SEMA6D: variants seen among roughly 807,000 people sequenced by gnomAD.
The protein encoded by SEMA6D is semaphorin 6D.
A neutral mutation model predicts 106.6 loss-of-function variants in SEMA6D; 35 were observed. That is an observed-to-expected ratio of 0.33 (90% confidence interval 0.25 to 0.44). SEMA6D has a LOEUF of 0.44. SEMA6D is among the 20% of genes least tolerant of loss of function. The pLI is 1.00. For missense variants in SEMA6D, 1,185 were observed against 1,345.9 expected (o/e 0.88, Z 1.87); for synonymous variants, 499 against 487.7 (o/e 1.02, Z -0.31).
chr15:47,221,743 G>A (rs1242245098), intron 1 of SEMA6D, among the ~76,000 whole-genome samples: 2 of 152,130 alleles, frequency 1.3e-5, no homozygotes, highest in African/African-American at 2.4e-5. Context: ...TTGAAATACT[G>A]TTTAATCGTT....
At chr15:47,763,146 A>G (rs376460824) in intron 9 of SEMA6D, 42 bp downstream of exon 9, 11 of 1,467,954 alleles carry the variant, frequency 7.5e-6, no homozygotes, top group African/African-American at 1.4e-5. Flanking sequence ...CTTGTACTGC[A>G]TGAAATTGAG....
At chr15:47,695,231 G>C (rs1042495165) in intron 4 of SEMA6D, among the ~76,000 whole-genome samples, 1 of 152,086 alleles carries the variant, frequency 6.6e-6, no homozygotes, top group African/African-American at 2.4e-5. Flanking sequence ...GTTTTTCAAA[G>C]GCAGAAAAGA....
intron 4 of SEMA6D, among the ~76,000 whole-genome samples, chr15:47,704,807 C>T (rs1385955264): frequency 6.6e-6 from 1 of 152,076 alleles, no homozygotes; most frequent in Middle Eastern, 3.2e-3. Flanking sequence ...ATCCATGGCT[C>T]TTATTTTCTT....
At chr15:47,653,150 G>C (rs1023951716) in intron 4 of SEMA6D, among the ~76,000 whole-genome samples, 14 of 152,160 alleles carry the variant, frequency 9.2e-5, no homozygotes, top group African/African-American at 2.9e-4. Context: ...GTATAATTGA[G>C]AGAAGATCAG....
At chr15:47,584,440 A>AAT (rs1282287250) in intron 3 of SEMA6D, among the ~76,000 whole-genome samples, 2 of 151,828 alleles carry the variant, frequency 1.3e-5, no homozygotes, top group Non-Finnish European at 2.9e-5. Flanking sequence ...AAAAAAAAAA[A>AAT]GGAGAGTGAA....
In SEMA6D at chr15:47,228,994, T is replaced by TGGGC. The variant is rs1018965513; in HGVS notation, c.-239+44577_-239+44580dup. Among the ~76,000 whole-genome samples the TGGGC allele has an allele frequency of 1.9e-4, 29 of 152,168 alleles. 1 individual carries two copies. The highest frequency in any genetic ancestry group is 7.0e-4 in the African/African-American group (29 of 41,552). On this transcript the variant is annotated intron_variant, in intron 1 of 19. Coordinates refer to the SEMA6D transcript ENST00000558014. ...AATTAATCACTGAATTTTAAATGGA[T>TGGGC]GGGCCATGAGAGATCGTATAATCCC...
At chr15:47,481,365 A>G (rs568597270) in intron 3 of SEMA6D, among the ~76,000 whole-genome samples, 4 of 152,296 alleles carry the variant, frequency 2.6e-5, no homozygotes, top group Admixed American at 2.0e-4. Flanking sequence ...GTGCATGAAG[A>G]GAAAAGTATC....
chr15:47,570,188 C>T (rs79155097), intron 3 of SEMA6D, among the ~76,000 whole-genome samples: 1 of 152,126 alleles, frequency 6.6e-6, no homozygotes, highest in Non-Finnish European at 1.5e-5. Flanking sequence ...CTGCCCCACC[C>T]CATTCTGACA....
chr15:47,219,933 G>A (rs1177497727), intron 1 of SEMA6D, among the ~76,000 whole-genome samples: 1 of 152,142 alleles, frequency 6.6e-6, no homozygotes, highest in Non-Finnish European at 1.5e-5. Flanking sequence ...GGCCCTGGGT[G>A]GGATAAATGG....
chr15:47,258,996 T>G (rs548519851), intron 1 of SEMA6D, among the ~76,000 whole-genome samples: 250 of 152,186 alleles, frequency 1.6e-3, no homozygotes, highest in African/African-American at 5.8e-3. Flanking sequence ...TTTTGTAGAG[T>G]TTTTGTAGGG....
At chr15:47,205,861 C>T (rs929360339) in intron 1 of SEMA6D, among the ~76,000 whole-genome samples, 7 of 152,092 alleles carry the variant, frequency 4.6e-5, no homozygotes, top group African/African-American at 1.7e-4. Flanking sequence ...ATATAGCATG[C>T]ATGCATAGGT....
chr15:47,569,350 C>A (rs1279585838), intron 3 of SEMA6D, among the ~76,000 whole-genome samples: 1 of 152,136 alleles, frequency 6.6e-6, no homozygotes, highest in East Asian at 1.9e-4. Context: ...ATGCAAGTTT[C>A]TAGGGGTCTT....
chr15:47,568,690 T>G (rs996401022), intron 3 of SEMA6D, among the ~76,000 whole-genome samples: 1 of 152,184 alleles, frequency 6.6e-6, no homozygotes, highest in Non-Finnish European at 1.5e-5. Flanking sequence ...TTTCGTATTT[T>G]GTTTTATTTT....
At chr15:47,625,224 G>A (rs999034381) in intron 4 of SEMA6D, among the ~76,000 whole-genome samples, 5 of 152,108 alleles carry the variant, frequency 3.3e-5, no homozygotes, top group Admixed American at 1.3e-4. Context: ...CCAAAACCCA[G>A]TACCCAGCTT....
At chr15:47,313,086 T>C (rs139725518) in intron 1 of SEMA6D, among the ~76,000 whole-genome samples, 1 of 152,222 alleles carries the variant, frequency 6.6e-6, no homozygotes, top group East Asian at 1.9e-4. Flanking sequence ...TCCACAAGAA[T>C]GGTATGTTTG....
At chr15:47,294,819 T>C (rs1255071064) in intron 1 of SEMA6D, among the ~76,000 whole-genome samples, 9 of 152,212 alleles carry the variant, frequency 5.9e-5, no homozygotes, top group Admixed American at 5.9e-4. Flanking sequence ...TAAATGTTTA[T>C]TCTTTTCAGC....
intron 4 of SEMA6D, among the ~76,000 whole-genome samples, chr15:47,619,454 C>T (rs1481693675): frequency 1.3e-5 from 2 of 152,184 alleles, no homozygotes; most frequent in Non-Finnish European, 2.9e-5. Flanking sequence ...GGACGTGTTC[C>T]TTGGTCCTAG....
At chr15:47,472,501 G>A (rs1047113411) in intron 3 of SEMA6D, among the ~76,000 whole-genome samples, 1 of 152,186 alleles carries the variant, frequency 6.6e-6, no homozygotes, top group African/African-American at 2.4e-5. Context: ...TTGGAGGAAT[G>A]TGGATGCCTC....
At chr15:47,468,718 A>G (rs2042735525) in intron 2 of SEMA6D, among the ~76,000 whole-genome samples, 1 of 152,208 alleles carries the variant, frequency 6.6e-6, no homozygotes, top group Non-Finnish European at 1.5e-5. Context: ...TTCTACAGAA[A>G]AGATCAATAA....
Sources: gnomAD v4.1 joint callset for allele counts (sites outside exome capture counted in the v4.1 genomes callset) on GRCh38, gnomAD v4.1.1 for gene constraint, MANE v1.5 for transcripts, NCBI Gene and HGNC (gene_info 2026-07-23, HGNC 2026-07-21) for gene names.